AGBL4: variants seen among roughly 807,000 people sequenced by gnomAD.
The protein encoded by AGBL4 is cytosolic carboxypeptidase 6.
Under a neutral mutation model 66.4 loss-of-function variants are expected in AGBL4, and 58 were observed. The observed-to-expected ratio is 0.87, with a 90% CI of 0.71 to 1.09. AGBL4 has a LOEUF of 1.09. AGBL4 is among the 50% of genes least tolerant of loss of function. The pLI is 0.00. For missense variants in AGBL4, 579 were observed against 631.0 expected (o/e 0.92, Z 0.88); for synonymous variants, 234 against 222.9 (o/e 1.05, Z -0.44).
chr1:49,022,831 CA>C (rs1288252506), intron 5 of AGBL4, among the ~76,000 whole-genome samples: 1 of 152,156 alleles, frequency 6.6e-6, no homozygotes, highest in Non-Finnish European at 1.5e-5. Flanking sequence ...TGTGTACCAG[CA>C]CTATGCTAGG....
intron 6 of AGBL4, among the ~76,000 whole-genome samples, chr1:48,789,455 A>AT (rs1271915644): frequency 6.6e-6 from 1 of 151,662 alleles, no homozygotes; most frequent in Non-Finnish European, 1.5e-5. Context: ...CGCTTGGCTA[A>AT]TTTTTTTGTA....
At chr1:48,781,457 A>G (rs1266843864) in intron 6 of AGBL4, among the ~76,000 whole-genome samples, 2 of 152,246 alleles carry the variant, frequency 1.3e-5, no homozygotes, top group Non-Finnish European at 2.9e-5. Flanking sequence ...CCTGGAGACC[A>G]TAGCCCTGGG....
At chr1:49,636,979 C>T (rs1057496580) in intron 3 of AGBL4, among the ~76,000 whole-genome samples, 1 of 152,176 alleles carries the variant, frequency 6.6e-6, no homozygotes, top group African/African-American at 2.4e-5. Context: ...CACCATTTAA[C>T]CAGCTGCCAG....
chr1:49,565,845 C>T (rs1471549745), intron 3 of AGBL4, among the ~76,000 whole-genome samples: 1 of 152,128 alleles, frequency 6.6e-6, no homozygotes, highest in Non-Finnish European at 1.5e-5. Flanking sequence ...TGAATGTTAG[C>T]CTGCCTTGCT....
intron 5 of AGBL4, among the ~76,000 whole-genome samples, chr1:48,898,601 T>C (rs1054802914): frequency 1.1e-4 from 16 of 152,208 alleles, no homozygotes; most frequent in African/African-American, 3.9e-4. Flanking sequence ...TTGTTAAAGA[T>C]GAGTTGGTAT....
At chr1:48,677,383 C>G (rs960855142) in intron 6 of AGBL4, among the ~76,000 whole-genome samples, 1 of 152,042 alleles carries the variant, frequency 6.6e-6, no homozygotes, top group African/African-American at 2.4e-5. Context: ...AACATATTCG[C>G]CACCACAGCA....
At chr1:48,653,523 G>A in intron 7 of AGBL4, 72 bp from the exon 8 acceptor site, 1 of 1,234,592 alleles carries the variant, frequency 8.1e-7, no homozygotes, top group Non-Finnish European at 1.1e-6. Context: ...TTCTCAGCTT[G>A]GAAAACAAGA....
At chr1:48,982,495 C>A (rs867104517) in intron 5 of AGBL4, among the ~76,000 whole-genome samples, 1 of 152,182 alleles carries the variant, frequency 6.6e-6, no homozygotes, top group Middle Eastern at 3.4e-3. Context: ...TGGTTTCCAG[C>A]TTCATCCATG....
chr1:49,868,683 A>G (rs1241592805), intron 1 of AGBL4, among the ~76,000 whole-genome samples: 5 of 152,228 alleles, frequency 3.3e-5, no homozygotes, highest in Non-Finnish European at 2.9e-5. Context: ...CATTCAGGAC[A>G]TAGGCAGGAA....
chr1:48,842,200 C>CA (rs1327739932), intron 6 of AGBL4, among the ~76,000 whole-genome samples: 4 of 152,148 alleles, frequency 2.6e-5, no homozygotes, highest in African/African-American at 9.7e-5. Flanking sequence ...ACTTTCCTCA[C>CA]CCTACCACCC....
chr1:49,809,236 CA>C (rs1286425029), intron 2 of AGBL4, among the ~76,000 whole-genome samples: 1 of 151,870 alleles, frequency 6.6e-6, no homozygotes, highest in Non-Finnish European at 1.5e-5. Context: ...ATACATGTGC[CA>C]TGTTGGTGTG....
intron 1 of AGBL4, among the ~76,000 whole-genome samples, chr1:50,010,834 C>T (rs1661479601): frequency 6.6e-6 from 1 of 152,156 alleles, no homozygotes; most frequent in African/African-American, 2.4e-5. Context: ...AGATTCAAGA[C>T]TTAAATCTAA....
intron 2 of AGBL4, among the ~76,000 whole-genome samples, chr1:49,766,204 A>C (rs1015049035): frequency 6.6e-6 from 1 of 152,168 alleles, no homozygotes; most frequent in Admixed American, 6.5e-5. Flanking sequence ...AGGTGAGAAC[A>C]CATATAAAAG....
At chr1:49,201,903 G>A (rs534592655) in intron 4 of AGBL4, among the ~76,000 whole-genome samples, 83 of 151,888 alleles carry the variant, frequency 5.5e-4, no homozygotes, top group Non-Finnish European at 8.4e-4. Flanking sequence ...ATGTATATAC[G>A]AAATGAGTGT....
At chr1:49,541,783 G>A (rs1553223379) in intron 3 of AGBL4, among the ~76,000 whole-genome samples, 1 of 152,228 alleles carries the variant, frequency 6.6e-6, no homozygotes, top group Non-Finnish European at 1.5e-5. Context: ...CTGGGCTCCT[G>A]AGTCTATTGG....
chr1:48,570,819 T>A (rs1225003817), intron 11 of AGBL4, among the ~76,000 whole-genome samples: 1 of 152,158 alleles, frequency 6.6e-6, no homozygotes, highest in Non-Finnish European at 1.5e-5. Context: ...CAGTCTGCCT[T>A]AGTGCGTATA....
chr1:49,564,020 T>C (rs901741327), intron 3 of AGBL4, among the ~76,000 whole-genome samples: 13 of 152,318 alleles, frequency 8.5e-5, no homozygotes, highest in East Asian at 3.9e-4. Context: ...ATTCAACTTC[T>C]TCCTGGTTTA....
At chr1:49,957,429 T>G (rs1254552915) in intron 1 of AGBL4, among the ~76,000 whole-genome samples, 1 of 151,932 alleles carries the variant, frequency 6.6e-6, no homozygotes, top group African/African-American at 2.4e-5. Context: ...ACTTTCTGTC[T>G]CGTTGATCTG....
rs1021464176 is a variant in AGBL4, at chr1:49,380,909, C to G, written c.283-135045G>C. On this transcript the variant is annotated intron_variant, in intron 3 of 13. Transcript: ENST00000371839. Reference sequence around the variant, plus strand: ...TAAAAACCCAAGAAGAAAACCTAGGCATTACCATTCAGGACATACGCATGG... The same window carrying G: ...TAAAAACCCAAGAAGAAAACCTAGGGATTACCATTCAGGACATACGCATGG... Among the ~76,000 whole-genome samples the G allele has an allele frequency of 1.8e-3, 280 of 152,250 alleles. 2 individuals carry two copies. Among genetic ancestry groups the G allele is most frequent in the Non-Finnish European group, 2.4e-3 (160 of 68,030 alleles).
Sources: allele counts gnomAD v4.1 joint callset (sites outside exome capture counted in the v4.1 genomes callset), GRCh38; gene constraint gnomAD v4.1.1; transcripts MANE v1.5; gene names NCBI Gene and HGNC (gene_info 2026-07-23, HGNC 2026-07-21).